The following BEAN1 variants were observed in gnomAD, a reference collection of about 807,000 sequenced individuals.
The protein encoded by BEAN1 is brain expressed associated with NEDD4 1.
A neutral mutation model predicts 17.7 loss-of-function variants in BEAN1; 17 were observed. The observed-to-expected ratio is 0.96, with a 90% CI of 0.66 to 1.44. The LOEUF (loss-of-function observed/expected upper bound fraction) is 1.44. BEAN1 is among the 40% of genes most tolerant of loss of function. The probability of loss-of-function intolerance (pLI) is 0.00; values close to 1 mark genes in which losing one functional copy is unlikely to be tolerated. For missense variants in BEAN1, 359 were observed against 374.1 expected, an observed-to-expected ratio of 0.96 and a Z score of 0.33; for synonymous variants, 142 against 151.8, an observed-to-expected ratio of 0.94 and a Z score of 0.47.
At chr16:66,493,072 A>C (rs1357366684) in exon 5 of BEAN1, 1 of 702,912 alleles carries the variant, frequency 1.4e-6, no homozygotes, top group Non-Finnish European at 2.6e-6. Flanking sequence ...CTGAGTTCTC[A>C]CTGGTCCAGG....
At chr16:66,474,589 G>GGAGAGAGGGAGA (rs1305809420) in intron 3 of BEAN1, among the ~76,000 whole-genome samples, 1 of 23,122 alleles carries the variant, frequency 4.3e-5, no homozygotes, top group African/African-American at 1.9e-4. Context: ...AGAGAGGGAG[G>GGAGAGAGGGAGA]GAGGGAGGGA....
At chr16:66,432,965 A>G (rs1353020146) in intron 1 of BEAN1, among the ~76,000 whole-genome samples, 1 of 152,134 alleles carries the variant, frequency 6.6e-6, no homozygotes, top group Non-Finnish European at 1.5e-5. Context: ...TTTTTCCTGT[A>G]CTGTTAGCTT....
intron 2 of BEAN1, among the ~76,000 whole-genome samples, chr16:66,455,389 G>A (rs1477864374): frequency 6.6e-6 from 1 of 152,208 alleles, no homozygotes; most frequent in African/African-American, 2.4e-5. Context: ...GAGGGAATTT[G>A]TAAATTGGCT....
chr16:66,428,265 A>C (rs1961656831), intron 1 of BEAN1: 1 of 152,482 alleles, frequency 6.6e-6, no homozygotes, highest in African/African-American at 2.4e-5. Context: ...AGGACCAGGG[A>C]CTGCCCTGTC....
At chr16:66,462,883 T>C (rs1236392592) in intron 2 of BEAN1, among the ~76,000 whole-genome samples, 1 of 151,682 alleles carries the variant, frequency 6.6e-6, no homozygotes, top group Non-Finnish European at 1.5e-5. Context: ...TCCAAAGACA[T>C]CACAATTTAA....
At chr16:66,452,322 A>T (rs1962701693) in intron 2 of BEAN1, among the ~76,000 whole-genome samples, 3 of 152,220 alleles carry the variant, frequency 2.0e-5, no homozygotes, top group Admixed American at 2.0e-4. Context: ...TGCTACCCTG[A>T]TGCTGGTTTT....
At chr16:66,431,812 GTTGT>G (rs932269617) in intron 1 of BEAN1, among the ~76,000 whole-genome samples, 7 of 145,028 alleles carry the variant, frequency 4.8e-5, no homozygotes, top group Non-Finnish European at 7.6e-5. Flanking sequence ...AATTTTTTTT[GTTGT>G]TTGTTTGTTT....
intron 3 of BEAN1, among the ~76,000 whole-genome samples, chr16:66,476,036 G>A (rs562055297): frequency 8.6e-5 from 13 of 151,850 alleles, no homozygotes; most frequent in South Asian, 6.2e-4. Context: ...CGTGGACCCC[G>A]GAGGCGGAGC....
intron 2 of BEAN1, among the ~76,000 whole-genome samples, chr16:66,468,159 G>C (rs750964009): frequency 6.6e-6 from 1 of 152,180 alleles, no homozygotes; most frequent in African/African-American, 2.4e-5. Flanking sequence ...CTGAGGCATC[G>C]CAAGGCCTCC....
intron 3 of BEAN1, chr16:66,470,099 G>A: frequency 9.5e-6 from 6 of 629,514 alleles, no homozygotes; most frequent in Non-Finnish European, 1.6e-5. Flanking sequence ...GAAGGTCAGA[G>A]GGAGAGTGTG....
At chr16:66,445,788 G>A (rs1962430694) in intron 2 of BEAN1, among the ~76,000 whole-genome samples, 1 of 152,146 alleles carries the variant, frequency 6.6e-6, no homozygotes, top group African/African-American at 2.4e-5. Context: ...TAATCAAGTA[G>A]TCATTGGAGG....
intron 4 of BEAN1, among the ~76,000 whole-genome samples, chr16:66,487,972 T>C (rs16956575): frequency 0.062 from 9,392 of 152,142 alleles, 415 homozygotes; most frequent in South Asian, 0.18. Context: ...ATCCAACTGT[T>C]GAAGGAGGCT....
Position 66,480,820 on chromosome 16 carries a change from A to G in BEAN1, c.675A>G (p.Pro225=). 6.5e-7 allele frequency: 1 copy of G among 1,539,204 alleles called. No homozygotes were observed. The highest frequency in any genetic ancestry group is 2.5e-5 in the East Asian group (1 of 40,574). Residue 225 remains proline (P), a synonymous_variant, in exon 5 of 5, where the codon CCA becomes CCG. Transcript: ENST00000536005. The part of the protein sequence containing the change: ...PYEAVCGAGP[P]SGLLPLPGPD... The stretch of plus-strand genomic sequence containing the variant: ...AGGCTGTGTGCGGGGCTGGCCCCCC[A>G]TCAGGCCTGCTGCCACTGCCGGGCC...
chr16:66,467,036 C>G (rs1254164067), intron 2 of BEAN1, among the ~76,000 whole-genome samples: 3 of 152,092 alleles, frequency 2.0e-5, no homozygotes, highest in Non-Finnish European at 1.5e-5. Context: ...TCCCCAGACC[C>G]AGGGCTTATA....
intron 2 of BEAN1, among the ~76,000 whole-genome samples, chr16:66,440,975 C>T (rs1047012852): frequency 6.6e-6 from 1 of 152,176 alleles, no homozygotes; most frequent in African/African-American, 2.4e-5. Flanking sequence ...TCTGAATTGG[C>T]TCAACAGATC....
intron 2 of BEAN1, among the ~76,000 whole-genome samples, chr16:66,440,985 C>T (rs1358006736): frequency 1.3e-5 from 2 of 152,158 alleles, no homozygotes; most frequent in East Asian, 3.9e-4. Context: ...CTCAACAGAT[C>T]ATCATTCTGA....
intron 2 of BEAN1, among the ~76,000 whole-genome samples, chr16:66,457,122 T>C (rs2142408859): frequency 6.6e-6 from 1 of 152,362 alleles, no homozygotes; most frequent in Middle Eastern, 3.4e-3. Flanking sequence ...AGGTCCATTT[T>C]AGTCTGATTC....
At chr16:66,466,881 GT>G (rs2142425941) in intron 2 of BEAN1, among the ~76,000 whole-genome samples, 1 of 152,270 alleles carries the variant, frequency 6.6e-6, no homozygotes, top group East Asian at 1.9e-4. Flanking sequence ...CATCTCACAA[GT>G]TTTAGTGTGA....
chr16:66,490,806 C>T (rs1597059731), intron 4 of BEAN1, among the ~76,000 whole-genome samples: 1 of 152,322 alleles, frequency 6.6e-6, no homozygotes, highest in South Asian at 2.1e-4. Flanking sequence ...TGACCTAGGC[C>T]CTGCTCCACT....
Sources: gnomAD v4.1 joint callset for allele counts (sites outside exome capture counted in the v4.1 genomes callset) on GRCh38, gnomAD v4.1.1 for gene constraint, MANE v1.5 for transcripts, NCBI Gene and HGNC (gene_info 2026-07-23, HGNC 2026-07-21) for gene names.